The following CFAP61 variants were observed in gnomAD, a reference collection of about 807,000 sequenced individuals.
CFAP61 encodes the protein cilia and flagella associated protein 61, also known as cilia- and flagella-associated protein 61.
In CFAP61, 107 loss-of-function variants were observed where a neutral mutation model predicts 135.6. That is an observed-to-expected ratio of 0.79 (90% confidence interval 0.67 to 0.93). The LOEUF is 0.93. CFAP61 is among the 40% of genes least tolerant of loss of function. The pLI is 0.00. For synonymous variants in CFAP61, 575 were observed against 578.5 expected, an observed-to-expected ratio of 0.99 and a Z score of 0.09; for missense variants, 1,507 against 1,556.2, an observed-to-expected ratio of 0.97 and a Z score of 0.53.
intron 17 of CFAP61, among the ~76,000 whole-genome samples, chr20:20,211,769 A>G (rs953832398): frequency 6.6e-6 from 1 of 152,182 alleles, no homozygotes; most frequent in Non-Finnish European, 1.5e-5. Context: ...TCACCATGGT[A>G]GTCACTGTAA....
At chr20:20,298,437 T>G in intron 25 of CFAP61, 51 bp downstream of exon 25, 1 of 1,456,474 alleles carries the variant, frequency 6.9e-7, no homozygotes, top group Non-Finnish European at 9.5e-7. Flanking sequence ...ATATATATAA[T>G]GTCTGTGAAT....
chr20:20,137,727 G>A (rs979307191), intron 8 of CFAP61, among the ~76,000 whole-genome samples: 2 of 152,180 alleles, frequency 1.3e-5, no homozygotes, highest in African/African-American at 2.4e-5. Flanking sequence ...CTAAGAGCCT[G>A]TTTGGTGCTC....
Position 20,086,967 on chromosome 20 carries a change from G to T in CFAP61, c.567-3877G>T, listed in dbSNP as rs1453969121. ...GATAGGCAAGGGGATCAGAGCACTG[G>T]CTAGAAATAGAGGTGGGAAGGAGGG... On this transcript the variant is annotated intron_variant, in intron 6 of 26. Transcript: ENST00000245957. 2.6e-5 allele frequency among the ~76,000 whole-genome samples: 4 copies of T among 152,092 alleles called. No homozygotes were observed. The East Asian group carries it at 7.7e-4, about 29-fold the overall frequency.
chr20:20,085,595 T>G, intron 6 of CFAP61: 1 of 1,133,394 alleles, frequency 8.8e-7, no homozygotes, highest in Non-Finnish European at 1.2e-6. Context: ...GGCCTAGGGC[T>G]CTGGGTCTTT....
At chr20:20,210,457 AT>A (rs768722189) in intron 17 of CFAP61, among the ~76,000 whole-genome samples, 1 of 152,230 alleles carries the variant, frequency 6.6e-6, no homozygotes, top group Non-Finnish European at 1.5e-5. Context: ...ACAGCACAGA[AT>A]TGACGCATTT....
rs373176754 is a variant in CFAP61, at chr20:20,224,892, C to T, written c.1933-3357C>T. 6.5e-4 allele frequency among the ~76,000 whole-genome samples: 99 copies of T among 152,194 alleles called. No individual in the cohort carries two copies. In the Middle Eastern group the frequency reaches 0.014, roughly 21 times the overall value. On this transcript the variant is annotated intron_variant, in intron 17 of 26. Coordinates refer to ENST00000245957, the MANE Select transcript of CFAP61 (RefSeq NM_015585.4). ...TTTCCATTATGAGGATCATTTAATT[C>T]TGTCTATAAAATGTGAGTCAAGAAC...
chr20:20,321,636 C>G (rs1248407444), intron 25 of CFAP61, among the ~76,000 whole-genome samples: 1 of 152,220 alleles, frequency 6.6e-6, no homozygotes, highest in Non-Finnish European at 1.5e-5. Flanking sequence ...CTCTTGCAGA[C>G]TGGCTTTCTC....
At chr20:20,316,429 G>C (rs1023111075) in intron 25 of CFAP61, among the ~76,000 whole-genome samples, 2 of 151,786 alleles carry the variant, frequency 1.3e-5, no homozygotes, top group Non-Finnish European at 2.9e-5. Context: ...TCAGCTTAAG[G>C]AGATTTTGGG....
chr20:20,329,838 C>G (rs533751524), intron 25 of CFAP61, among the ~76,000 whole-genome samples: 39 of 152,372 alleles, frequency 2.6e-4, no homozygotes, highest in African/African-American at 8.9e-4. Context: ...TCAGTAGATC[C>G]TCCCCGTGCC....
At chr20:20,182,192 A>G (rs1356039726) in intron 13 of CFAP61, among the ~76,000 whole-genome samples, 1 of 152,232 alleles carries the variant, frequency 6.6e-6, no homozygotes, top group Non-Finnish European at 1.5e-5. Flanking sequence ...AGGGTAAGAA[A>G]TAAAGATAGC....
At chr20:20,070,470 G>C (rs140140844) in intron 2 of CFAP61, among the ~76,000 whole-genome samples, 211 of 152,184 alleles carry the variant, frequency 1.4e-3, no homozygotes, top group African/African-American at 4.7e-3. Context: ...TCCCAGTCCT[G>C]GGCAAAGAGA....
intron 7 of CFAP61, chr20:20,095,536 T>G (rs779947151): frequency 3.9e-5 from 6 of 152,318 alleles, no homozygotes; most frequent in Non-Finnish European, 8.8e-5. Context: ...TGGAGGAGTT[T>G]GGGGCCATCA....
chr20:20,217,856 T>A (rs921365508), intron 17 of CFAP61, among the ~76,000 whole-genome samples: 26 of 152,228 alleles, frequency 1.7e-4, no homozygotes, highest in African/African-American at 6.3e-4. Flanking sequence ...TGCATGACCA[T>A]GCAGCCTTCT....
chr20:20,294,602 C>T (rs1312795370), intron 24 of CFAP61, among the ~76,000 whole-genome samples: 1 of 152,136 alleles, frequency 6.6e-6, no homozygotes, highest in Non-Finnish European at 1.5e-5. Flanking sequence ...CAGAGGAGGC[C>T]AAAATATGAT....
intron 6 of CFAP61, among the ~76,000 whole-genome samples, chr20:20,079,842 A>T (rs2046312750): frequency 6.6e-6 from 1 of 152,210 alleles, no homozygotes; most frequent in African/African-American, 2.4e-5. Flanking sequence ...GTATGAAATG[A>T]CATTTTTAAT....
rs766788917 is a variant in CFAP61 at position 20,052,574 on chromosome 20, C to T, written c.-54C>T. ...TGCGGCAGCGCGTGGAGTGCGGCGT[C>T]CTGGAGCTGCGGATGAGGTGGGTAA... On this transcript the variant is annotated 5_prime_UTR_variant, in exon 1 of 27. Coordinates refer to ENST00000245957, the MANE Select transcript of CFAP61 (RefSeq NM_015585.4). The T allele has an allele frequency of 2.7e-5, 44 of 1,613,806 alleles. No individual in the cohort carries two copies. In the Middle Eastern group the frequency reaches 4.9e-4, roughly 18 times the overall value.
intron 25 of CFAP61, among the ~76,000 whole-genome samples, chr20:20,337,925 C>G (rs569104065): frequency 6.6e-6 from 1 of 152,178 alleles, no homozygotes; most frequent in Non-Finnish European, 1.5e-5. Context: ...GAGCTGACAG[C>G]TGCCACACGA....
chr20:20,249,034 C>T (rs758844725), intron 19 of CFAP61, among the ~76,000 whole-genome samples: 3 of 152,150 alleles, frequency 2.0e-5, no homozygotes, highest in South Asian at 2.1e-4. Context: ...TCTCTGTTTT[C>T]GGATGAAGCC....
At chr20:20,199,496 A>T (rs1229776811) in intron 16 of CFAP61, among the ~76,000 whole-genome samples, 1 of 152,198 alleles carries the variant, frequency 6.6e-6, no homozygotes, top group Non-Finnish European at 1.5e-5. Flanking sequence ...AAATACTTGT[A>T]CTGAAAAATC....
Sources: gnomAD v4.1 joint callset for allele counts (sites outside exome capture counted in the v4.1 genomes callset) on GRCh38, gnomAD v4.1.1 for gene constraint, MANE v1.5 for transcripts, NCBI Gene and HGNC (gene_info 2026-07-23, HGNC 2026-07-21) for gene names.